Variants in TFDP2 observed in about 807,000 individuals in gnomAD.
TFDP2 encodes the protein transcription factor Dp-2 (E2F dimerization partner 2).
Under a neutral mutation model 59.3 loss-of-function variants are expected in TFDP2, and 17 were observed. The ratio of observed to expected loss-of-function variants is 0.29; its 90% CI spans 0.20 to 0.43. The LOEUF is 0.43. Among genes scored for constraint, TFDP2 ranks in the 20% least tolerant of loss-of-function variants. TFDP2 has a pLI of 1.00. For synonymous variants in TFDP2, 180 were observed against 194.7 expected (o/e 0.92, Z 0.63); for missense variants, 391 against 528.8 (o/e 0.74, Z 2.56).
At chr3:142,048,072 C>T (rs1357206615) in intron 3 of TFDP2, among the ~76,000 whole-genome samples, 1 of 152,000 alleles carries the variant, frequency 6.6e-6, no homozygotes, top group Admixed American at 6.6e-5. Flanking sequence ...CACTTTCAAA[C>T]TGAAAAATAA....
chr3:142,104,640 A>G (rs549672845), intron 1 of TFDP2, among the ~76,000 whole-genome samples: 28 of 152,308 alleles, frequency 1.8e-4, no homozygotes, highest in African/African-American at 6.5e-4. Context: ...AATATTTAGA[A>G]CTAGAATAAC....
Position 141,947,497 on chromosome 3 carries a change from C to T in TFDP2, c.*5016G>A, listed in dbSNP as rs1935384677. 1 of 152,214 alleles carries T rather than the reference C, an allele frequency of 6.6e-6. No individual in the cohort carries two copies. The highest frequency in any genetic ancestry group is 6.5e-5 in the Admixed American group (1 of 15,268). 9.4% of individuals were successfully genotyped at this position (152,214 alleles called of 1,614,324 possible). A position where few individuals can be genotyped will look rare whatever the true frequency, so the allele number is the denominator to read the frequency against. On this transcript the variant is annotated 3_prime_UTR_variant, in exon 13 of 13. Transcript: ENST00000489671. ...TGGCGGGATCTTGGCTCACTGCAAC[C>T]TCCGCCTCCTGGGTTCAAGTGATTC...
chr3:141,961,237 GTTTTTT>G (rs1177754086), intron 10 of TFDP2, among the ~76,000 whole-genome samples: 1 of 84,680 alleles, frequency 1.2e-5, no homozygotes, highest in Non-Finnish European at 2.2e-5. Flanking sequence ...GTTTTTTGTT[GTTTTTT>G]TTTTTTTTTT....
At chr3:142,016,569 G>A (rs1205691380) in intron 3 of TFDP2, among the ~76,000 whole-genome samples, 3 of 152,184 alleles carry the variant, frequency 2.0e-5, no homozygotes, top group Admixed American at 2.0e-4. Context: ...CCTAAGTGCT[G>A]GGATTACAGG....
At chr3:142,135,852 C>A (rs1184304686) in intron 1 of TFDP2, among the ~76,000 whole-genome samples, 1 of 152,030 alleles carries the variant, frequency 6.6e-6, no homozygotes, top group Non-Finnish European at 1.5e-5. Flanking sequence ...GTGAATAGTG[C>A]TGCAATAAAC....
At chr3:141,980,514 T>C (rs956235704) in intron 6 of TFDP2, among the ~76,000 whole-genome samples, 2 of 152,082 alleles carry the variant, frequency 1.3e-5, no homozygotes, top group Non-Finnish European at 1.5e-5. Context: ...TCTAAGTGTA[T>C]TTTTGGACCC....
At chr3:142,122,354 T>G (rs576124203) in intron 1 of TFDP2, among the ~76,000 whole-genome samples, 315 of 152,180 alleles carry the variant, frequency 2.1e-3, no homozygotes, top group Non-Finnish European at 3.5e-3. Context: ...AAGAAACCTA[T>G]CTCTAAAATC....
intron 3 of TFDP2, among the ~76,000 whole-genome samples, chr3:142,040,642 C>T (rs1244815566): frequency 6.6e-6 from 1 of 152,186 alleles, no homozygotes; most frequent in Non-Finnish European, 1.5e-5. Flanking sequence ...GTTGGTCAGG[C>T]TGGTCTTGAA....
At chr3:142,065,208 G>T (rs1388172456) in intron 3 of TFDP2, among the ~76,000 whole-genome samples, 2 of 151,858 alleles carry the variant, frequency 1.3e-5, no homozygotes, top group Non-Finnish European at 2.9e-5. Flanking sequence ...AGAGTGCAAT[G>T]GTGTGATCTC....
chr3:142,052,499 C>A (rs114608783), intron 3 of TFDP2, among the ~76,000 whole-genome samples: 7,799 of 151,590 alleles, frequency 0.051, 283 homozygotes, highest in Non-Finnish European at 0.082. Flanking sequence ...GAGTGGAGAT[C>A]GAGCGGAGAT....
At chr3:142,090,562 C>CT (rs944915464) in intron 3 of TFDP2, among the ~76,000 whole-genome samples, 7,716 of 139,178 alleles carry the variant, frequency 0.055, 627 homozygotes, top group African/African-American at 0.18. Context: ...TCTTTCTTTC[C>CT]TTTTTTTTTT....
At chr3:142,023,301 C>T (rs1945804689) in intron 3 of TFDP2, among the ~76,000 whole-genome samples, 1 of 151,084 alleles carries the variant, frequency 6.6e-6, no homozygotes, top group Non-Finnish European at 1.5e-5. Context: ...TCTCCTGTCT[C>T]AGCCTCCTGA....
chr3:142,065,490 C>CTGTGTG lies in TFDP2; in HGVS notation c.82+27565_82+27570dup, dbSNP rs578129854. ...AAGAGGAAAGCTAGAACCATTCACT[C>CTGTGTG]TGTGTGTGTGTGTGTGTGGGTGTGT... On this transcript the variant is annotated intron_variant, in intron 3 of 12. Transcript: ENST00000489671. Among the ~76,000 whole-genome samples, 53 of 148,380 alleles carry CTGTGTG rather than the reference C, an allele frequency of 3.6e-4. No homozygotes were observed. In the East Asian group the frequency reaches 4.0e-3, roughly 11 times the overall value.
intron 3 of TFDP2, among the ~76,000 whole-genome samples, chr3:142,082,353 A>T (rs1296323250): frequency 6.6e-6 from 1 of 152,226 alleles, no homozygotes; most frequent in Non-Finnish European, 1.5e-5. Flanking sequence ...TAATAATATT[A>T]GAAATAAGGT....
At chr3:142,114,262 A>G (rs1259958686) in intron 1 of TFDP2, among the ~76,000 whole-genome samples, 1 of 152,236 alleles carries the variant, frequency 6.6e-6, no homozygotes, top group African/African-American at 2.4e-5. Flanking sequence ...AAAATGTATA[A>G]TGAAGTTTAA....
intron 2 of TFDP2, among the ~76,000 whole-genome samples, chr3:142,100,574 T>C (rs1279775125): frequency 6.7e-6 from 1 of 148,966 alleles, no homozygotes. Context: ...GGTTTCACCA[T>C]GTTGGCCAGG....
chr3:141,987,294 TGTG>T (rs200982900), intron 6 of TFDP2, among the ~76,000 whole-genome samples: 4,671 of 138,472 alleles, frequency 0.034, 87 homozygotes, highest in East Asian at 0.065. Flanking sequence ...TGTGTGTGTG[TGTG>T]TTTTAGCCAG....
chr3:142,026,310 TCAAAAAAA>T (rs1218763268), intron 3 of TFDP2, among the ~76,000 whole-genome samples: 13 of 150,444 alleles, frequency 8.6e-5, no homozygotes, highest in Non-Finnish European at 1.0e-4. Context: ...AGATTCCGTC[TCAAAAAAA>T]CAAAAAAACA....
At chr3:142,089,287 C>T (rs1171238148) in intron 3 of TFDP2, among the ~76,000 whole-genome samples, 1 of 143,770 alleles carries the variant, frequency 7.0e-6, no homozygotes, top group Non-Finnish European at 1.5e-5. Flanking sequence ...AAAAATGCAA[C>T]GTCTGAAAAA....
Sources: gnomAD v4.1 joint callset for allele counts (sites outside exome capture counted in the v4.1 genomes callset) on GRCh38, gnomAD v4.1.1 for gene constraint, MANE v1.5 for transcripts, NCBI Gene and HGNC (gene_info 2026-07-23, HGNC 2026-07-21) for gene names.